The following TMEM108 variants were observed in gnomAD, a reference collection of about 807,000 sequenced individuals.
TMEM108 encodes the protein transmembrane protein 108.
A neutral mutation model predicts 35.1 loss-of-function variants in TMEM108; 12 were observed. The observed-to-expected ratio is 0.34, with a 90% CI of 0.22 to 0.55. The LOEUF (loss-of-function observed/expected upper bound fraction) is 0.55. Among genes scored for constraint, TMEM108 ranks in the 20% least tolerant of loss-of-function variants. The pLI, the probability that TMEM108 is intolerant of heterozygous loss-of-function variation, is 0.89. For missense variants in TMEM108, 680 were observed against 753.3 expected, an observed-to-expected ratio of 0.90 and a Z score of 1.14; for synonymous variants, 287 against 308.6, an observed-to-expected ratio of 0.93 and a Z score of 0.73.
At chr3:133,361,498 A>C (rs1437122960) in intron 3 of TMEM108, among the ~76,000 whole-genome samples, 3 of 152,254 alleles carry the variant, frequency 2.0e-5, no homozygotes, top group Non-Finnish European at 2.9e-5. Context: ...TTAGCATCTT[A>C]AAATAATGAC....
intron 2 of TMEM108, among the ~76,000 whole-genome samples, chr3:133,206,105 T>C (rs1945749412): frequency 1.3e-5 from 2 of 152,250 alleles, no homozygotes; most frequent in East Asian, 1.9e-4. Flanking sequence ...TTGATACTTC[T>C]GTATGCATCA....
intron 3 of TMEM108, among the ~76,000 whole-genome samples, chr3:133,328,621 T>C (rs939877897): frequency 6.6e-6 from 1 of 152,164 alleles, no homozygotes; most frequent in Non-Finnish European, 1.5e-5. Context: ...AACAATGTTA[T>C]CAGGCATTTC....
At chr3:133,077,943 A>ACCC (rs1196450212) in intron 2 of TMEM108, among the ~76,000 whole-genome samples, 5 of 152,148 alleles carry the variant, frequency 3.3e-5, no homozygotes, top group Admixed American at 1.3e-4. Flanking sequence ...GGGGGCATTC[A>ACCC]GAGTGATCAC....
chr3:133,308,552 T>C (rs2071078463), intron 3 of TMEM108, among the ~76,000 whole-genome samples: 2 of 152,292 alleles, frequency 1.3e-5, no homozygotes, highest in South Asian at 4.1e-4. Context: ...CCTAGTTTAT[T>C]GAGAGTTTTT....
intron 3 of TMEM108, among the ~76,000 whole-genome samples, chr3:133,353,475 T>C (rs2072067343): frequency 6.6e-6 from 1 of 152,198 alleles, no homozygotes; most frequent in Non-Finnish European, 1.5e-5. Flanking sequence ...CATATTACCA[T>C]AAACGTCTTA....
At chr3:133,087,206 C>T (rs1377531524) in intron 2 of TMEM108, among the ~76,000 whole-genome samples, 1 of 152,170 alleles carries the variant, frequency 6.6e-6, no homozygotes, top group Non-Finnish European at 1.5e-5. Flanking sequence ...TGTCCTTGAC[C>T]TGCTTCCCAC....
intron 3 of TMEM108, among the ~76,000 whole-genome samples, chr3:133,352,357 G>T (rs2072028909): frequency 6.6e-6 from 1 of 152,132 alleles, no homozygotes; most frequent in African/African-American, 2.4e-5. Flanking sequence ...TGGGGGCAGT[G>T]GGTTCCCACA....
intron 2 of TMEM108, among the ~76,000 whole-genome samples, chr3:133,103,071 A>G (rs114803336): frequency 6.6e-6 from 1 of 152,304 alleles, no homozygotes; most frequent in African/African-American, 2.4e-5. Flanking sequence ...CGACTCAGCA[A>G]TTCCATTATT....
At chr3:133,167,409 GCC>G (rs1272687306) in intron 2 of TMEM108, among the ~76,000 whole-genome samples, 4 of 152,274 alleles carry the variant, frequency 2.6e-5, no homozygotes, top group Admixed American at 6.5e-5. Context: ...GCACTCCTCA[GCC>G]CTTGGGCGGT....
At chr3:133,133,682 T>C (rs1253835337) in intron 2 of TMEM108, among the ~76,000 whole-genome samples, 1 of 149,820 alleles carries the variant, frequency 6.7e-6, no homozygotes, top group East Asian at 1.9e-4. Flanking sequence ...TTTTTTTTCC[T>C]TTTTTTTTCT....
At chr3:133,234,194 AT>A (rs1295830334) in intron 3 of TMEM108, among the ~76,000 whole-genome samples, 1 of 152,026 alleles carries the variant, frequency 6.6e-6, no homozygotes, top group Non-Finnish European at 1.5e-5. Flanking sequence ...TAAGTCTTTA[AT>A]CCATCTTGAA....
At chr3:133,213,634 A>AC (rs577641683) in intron 2 of TMEM108, among the ~76,000 whole-genome samples, 7 of 152,336 alleles carry the variant, frequency 4.6e-5, no homozygotes, top group Admixed American at 2.6e-4. Context: ...TAAAAAATGT[A>AC]CTTCTGTTTA....
chr3:133,066,492 G>A (rs1943609342), intron 2 of TMEM108, among the ~76,000 whole-genome samples: 1 of 152,048 alleles, frequency 6.6e-6, no homozygotes, highest in African/African-American at 2.4e-5. Flanking sequence ...AAAATTGCTG[G>A]CTTTTAGGGC....
intron 2 of TMEM108, among the ~76,000 whole-genome samples, chr3:133,065,258 G>A (rs1232520696): frequency 1.3e-5 from 2 of 151,574 alleles, no homozygotes; most frequent in Non-Finnish European, 2.9e-5. Flanking sequence ...GTAAGGATAT[G>A]TACAAATAAA....
intron 2 of TMEM108, among the ~76,000 whole-genome samples, chr3:133,121,223 A>G (rs915879309): frequency 3.3e-5 from 5 of 152,200 alleles, no homozygotes; most frequent in East Asian, 1.9e-4. Context: ...GGGCCTCTCA[A>G]TCTGAATGGG....
At chr3:133,348,817 C>A (rs1341432533) in intron 3 of TMEM108, among the ~76,000 whole-genome samples, 1 of 152,100 alleles carries the variant, frequency 6.6e-6, no homozygotes, top group Non-Finnish European at 1.5e-5. Context: ...ACAACATCCA[C>A]TACATAGTGT....
At chr3:133,387,600 C>T (rs2073171693) in intron 4 of TMEM108, 2 of 939,982 alleles carry the variant, frequency 2.1e-6, no homozygotes, top group South Asian at 9.8e-5. Flanking sequence ...GCAGCATGGC[C>T]TTGAGCAAGT....
intron 3 of TMEM108, among the ~76,000 whole-genome samples, chr3:133,371,382 C>T (rs1037606909): frequency 2.7e-4 from 41 of 152,126 alleles, no homozygotes; most frequent in African/African-American, 9.7e-4. Flanking sequence ...AGCTCATTCA[C>T]ATGGCCAACA....
chr3:133,135,210 G>A (rs866384867), intron 2 of TMEM108, among the ~76,000 whole-genome samples: 16 of 148,870 alleles, frequency 1.1e-4, no homozygotes, highest in Admixed American at 6.7e-5. Context: ...TTCCTTTAGC[G>A]GGTCTTTCTC....
Sources: gnomAD v4.1 joint callset for allele counts (sites outside exome capture counted in the v4.1 genomes callset) on GRCh38, gnomAD v4.1.1 for gene constraint, MANE v1.5 for transcripts, NCBI Gene and HGNC (gene_info 2026-07-23, HGNC 2026-07-21) for gene names.